The following ELAPOR2 variants were observed in gnomAD, a reference collection of about 807,000 sequenced individuals.
The protein encoded by ELAPOR2 is endosome-lysosome associated apoptosis and autophagy regulator family member 2.
In ELAPOR2, 89 loss-of-function variants were observed where a neutral mutation model predicts 120.7. That is an observed-to-expected ratio of 0.74 (90% CI 0.62 to 0.88). The LOEUF (loss-of-function observed/expected upper bound fraction) is 0.88, where lower values mean the gene tolerates loss of function less well. Ranked by LOEUF, ELAPOR2 falls within the 40% of genes least tolerant of loss-of-function variation. The probability of loss-of-function intolerance (pLI) is 0.00; values close to 1 mark genes in which losing one functional copy is unlikely to be tolerated. For missense variants in ELAPOR2, 1,134 were observed against 1,251.6 expected (o/e 0.91, Z 1.42); for synonymous variants, 444 against 444.9 (o/e 1.00, Z 0.03).
At chr7:87,041,917 A>T (rs1267866918) in intron 1 of ELAPOR2, among the ~76,000 whole-genome samples, 6 of 151,870 alleles carry the variant, frequency 4.0e-5, no homozygotes, top group Admixed American at 3.9e-4. Flanking sequence ...ATGGAGGAAG[A>T]TCTACCAAGC....
In ELAPOR2 at chr7:86,947,729, G is replaced by T. The variant is rs370553826; in HGVS notation, c.504C>A (p.Asn168Lys). 9 of 1,549,910 alleles carry T rather than the reference G, an allele frequency of 5.8e-6. No individual in the cohort carries two copies. The African/African-American group carries it at 6.8e-5, about 12-fold the overall frequency. ...GPSDSRPDGC[N>K]NSSWIPRGNY... Reference sequence around the variant, plus strand: ...CAAAGGCTGCTTTGGATTCTTACTTGTTACAGCCGTCTGGCCTGCTGTCAG... The same window carrying T: ...CAAAGGCTGCTTTGGATTCTTACTTTTTACAGCCGTCTGGCCTGCTGTCAG... Residue 168 changes from asparagine to lysine, a missense_variant and splice_region_variant, in exon 3 of 22, where the codon AAC becomes AAA. By Grantham distance (94) the Asn-to-Lys change is moderately conservative (BLOSUM62 0). Around this residue, in one of 3 missense-constraint regions of ELAPOR2, gnomAD observed 280 missense variants for 331.5 expected, o/e 0.84. Transcript: ENST00000450689.
intron 1 of ELAPOR2, among the ~76,000 whole-genome samples, chr7:86,999,813 T>C (rs1188611547): frequency 6.6e-6 from 1 of 152,164 alleles, no homozygotes; most frequent in Non-Finnish European, 1.5e-5. Context: ...AATCATTTGA[T>C]GGCATAAAGC....
At chr7:86,978,717 C>A (rs755275595) in intron 1 of ELAPOR2, among the ~76,000 whole-genome samples, 2 of 152,134 alleles carry the variant, frequency 1.3e-5, no homozygotes, top group Non-Finnish European at 2.9e-5. Flanking sequence ...CCTCAATTTC[C>A]TTGTCTATCT....
chr7:86,922,031 A>G (rs1033663347), intron 10 of ELAPOR2, among the ~76,000 whole-genome samples: 2 of 152,108 alleles, frequency 1.3e-5, no homozygotes, highest in African/African-American at 4.8e-5. Flanking sequence ...ACATGTCATC[A>G]ATATAAAAAT....
At position 87,021,346 on chromosome 7, in the gene ELAPOR2, G is replaced by A. The variant is rs145201060; in HGVS notation, c.189+37979C>T. Reference sequence around the variant, plus strand: ...CACATTTTCCCAAATAGATACACACGCATATATACCTACACCAATGTCTTC... The same window carrying A: ...CACATTTTCCCAAATAGATACACACACATATATACCTACACCAATGTCTTC... On this transcript the variant is annotated intron_variant, in intron 1 of 21. Coordinates refer to ENST00000450689, the MANE Select transcript of ELAPOR2 (RefSeq NM_001142749.3). Among the ~76,000 whole-genome samples, 31 of 152,162 alleles carry A rather than the reference G, an allele frequency of 2.0e-4. No homozygotes were observed. The East Asian group carries it at 5.8e-3, about 28-fold the overall frequency.
At chr7:86,925,465 A>C in intron 10 of ELAPOR2, 63 bp downstream of exon 10, 4 of 1,567,678 alleles carry the variant, frequency 2.6e-6, no homozygotes, top group Non-Finnish European at 3.5e-6. Context: ...TAGAGAGCTA[A>C]GTTCAAGAAT....
chr7:86,957,666 T>C (rs1300590993), intron 2 of ELAPOR2, among the ~76,000 whole-genome samples: 2 of 152,192 alleles, frequency 1.3e-5, no homozygotes, highest in African/African-American at 4.8e-5. Context: ...AAATTCTAAA[T>C]GTTACTCTCT....
chr7:86,885,869 C>T (rs936263498), intron 21 of ELAPOR2, among the ~76,000 whole-genome samples: 5 of 152,084 alleles, frequency 3.3e-5, no homozygotes, highest in African/African-American at 1.2e-4. Context: ...TGTACTTCCC[C>T]ATCTCATACA....
intron 1 of ELAPOR2, among the ~76,000 whole-genome samples, chr7:87,010,474 C>CATTTCTATGT (rs1793620124): frequency 6.6e-6 from 1 of 152,158 alleles, no homozygotes; most frequent in African/African-American, 2.4e-5. Flanking sequence ...AATTCTGATA[C>CATTTCTATGT]ATTTCTATGC....
At chr7:86,891,995 T>C in intron 20 of ELAPOR2, 106 bp from the exon 21 acceptor site, 1 of 718,100 alleles carries the variant, frequency 1.4e-6, no homozygotes. Context: ...TGACTTGGAG[T>C]ATAATTGCTC....
intron 8 of ELAPOR2, among the ~76,000 whole-genome samples, chr7:86,934,285 T>A (rs1227430890): frequency 6.6e-6 from 1 of 152,036 alleles, no homozygotes; most frequent in African/African-American, 2.4e-5. Flanking sequence ...CTTCTCTGCA[T>A]CTGTATAGTG....
At chr7:86,947,058 G>A (rs1245061603) in intron 3 of ELAPOR2, among the ~76,000 whole-genome samples, 1 of 152,140 alleles carries the variant, frequency 6.6e-6, no homozygotes, top group Non-Finnish European at 1.5e-5. Flanking sequence ...TTAGCTTATG[G>A]TAAAAATGTG....
intron 2 of ELAPOR2, among the ~76,000 whole-genome samples, chr7:86,958,084 C>T (rs1791549649): frequency 6.6e-6 from 1 of 152,104 alleles, no homozygotes; most frequent in African/African-American, 2.4e-5. Flanking sequence ...TGGGGATAAG[C>T]ACTTGTTCAA....
chr7:86,931,367 G>A (rs534101576), intron 8 of ELAPOR2, among the ~76,000 whole-genome samples: 1 of 151,982 alleles, frequency 6.6e-6, no homozygotes, highest in African/African-American at 2.4e-5. Flanking sequence ...TGCCATGAGT[G>A]CCCAAAGGAA....
chr7:86,891,926 C>A, intron 20 of ELAPOR2, 37 bp from the exon 21 acceptor site: 1 of 1,270,310 alleles, frequency 7.9e-7, no homozygotes, highest in African/African-American at 1.5e-5. Flanking sequence ...AATAAGTATC[C>A]ATTTATGTTA....
chr7:86,997,728 A>G (rs1417925355), intron 1 of ELAPOR2, among the ~76,000 whole-genome samples: 1 of 152,172 alleles, frequency 6.6e-6, no homozygotes, highest in Admixed American at 6.5e-5. Flanking sequence ...TCTCCGGACC[A>G]AGGGTATCTT....
intron 21 of ELAPOR2, among the ~76,000 whole-genome samples, chr7:86,880,974 C>T (rs1350590969): frequency 6.6e-6 from 1 of 151,810 alleles, no homozygotes. Flanking sequence ...AGGAGAATGC[C>T]AACAAGACAT....
At chr7:86,982,253 G>A (rs71562734) in intron 1 of ELAPOR2, among the ~76,000 whole-genome samples, 2,740 of 152,356 alleles carry the variant, frequency 0.018, 38 homozygotes, top group Non-Finnish European at 0.028. Context: ...ACAAAATGGA[G>A]CAGAAACTTC....
chr7:87,030,280 C>G (rs1045153105), intron 1 of ELAPOR2, among the ~76,000 whole-genome samples: 7 of 152,166 alleles, frequency 4.6e-5, no homozygotes, highest in African/African-American at 1.7e-4. Flanking sequence ...GTCAGTCAGT[C>G]ACAGTACATA....
Sources: gnomAD v4.1 joint callset for allele counts (sites outside exome capture counted in the v4.1 genomes callset) on GRCh38, gnomAD v4.1.1 for gene constraint, gnomAD v4.1.1 regional missense constraint, MANE v1.5 for transcripts, NCBI Gene and HGNC (gene_info 2026-07-23, HGNC 2026-07-21) for gene names.